The following GRIA4 variants were observed in gnomAD, a reference collection of about 807,000 sequenced individuals.
GRIA4 encodes the protein glutamate ionotropic receptor AMPA type subunit 4.
Under a neutral mutation model 104.0 loss-of-function variants are expected in GRIA4, and 34 were observed. The observed-to-expected ratio is 0.33, with a 90% CI of 0.25 to 0.44. GRIA4 has a LOEUF of 0.44. Among genes scored for constraint, GRIA4 ranks in the 20% least tolerant of loss-of-function variants. The probability of loss-of-function intolerance (pLI) is 1.00; values close to 1 mark genes in which losing one functional copy is unlikely to be tolerated. For missense variants in GRIA4, 750 were observed against 1,096.5 expected (o/e 0.68, Z 4.46); for synonymous variants, 386 against 381.9 (o/e 1.01, Z -0.13).
intron 11 of GRIA4, among the ~76,000 whole-genome samples, chr11:105,922,305 G>A (rs1408897069): frequency 1.3e-5 from 2 of 152,088 alleles, no homozygotes; most frequent in Non-Finnish European, 2.9e-5. Context: ...ACTTTTCTGA[G>A]GTTTAAAGCT....
intron 4 of GRIA4, among the ~76,000 whole-genome samples, chr11:105,845,034 A>ACATT (rs1944533563): frequency 6.6e-6 from 1 of 152,198 alleles, no homozygotes; most frequent in South Asian, 2.1e-4. Flanking sequence ...ATTTACTTCC[A>ACATT]CATTTAGTGA....
intron 4 of GRIA4, among the ~76,000 whole-genome samples, chr11:105,860,577 C>T (rs963199448): frequency 2.0e-5 from 3 of 152,164 alleles, no homozygotes; most frequent in Non-Finnish European, 4.4e-5. Flanking sequence ...AACTGACTAA[C>T]AGGCTCTGAT....
At chr11:105,739,096 T>G (rs1939149360) in intron 3 of GRIA4, among the ~76,000 whole-genome samples, 1 of 152,110 alleles carries the variant, frequency 6.6e-6, no homozygotes, top group South Asian at 2.1e-4. Flanking sequence ...AAAAGAGTGA[T>G]GTGATCTTTG....
chr11:105,840,594 T>C (rs1944355785), intron 4 of GRIA4, among the ~76,000 whole-genome samples: 1 of 152,220 alleles, frequency 6.6e-6, no homozygotes, highest in African/African-American at 2.4e-5. Context: ...CACAGTGCCA[T>C]GCTGTCATAG....
chr11:105,787,737 GA>G (rs1486338557), intron 4 of GRIA4, among the ~76,000 whole-genome samples: 1 of 152,006 alleles, frequency 6.6e-6, no homozygotes, highest in East Asian at 1.9e-4. Context: ...TCAGAAACAA[GA>G]GAGCTGATGA....
intron 9 of GRIA4, among the ~76,000 whole-genome samples, chr11:105,909,010 A>G (rs1392885764): frequency 6.6e-6 from 1 of 152,180 alleles, no homozygotes; most frequent in African/African-American, 2.4e-5. Flanking sequence ...TAAATTAAAA[A>G]TTTCACATAA....
At chr11:105,807,655 A>C (rs1943004920) in intron 4 of GRIA4, among the ~76,000 whole-genome samples, 1 of 151,904 alleles carries the variant, frequency 6.6e-6, no homozygotes, top group Admixed American at 6.6e-5. Flanking sequence ...GTTTTTATGA[A>C]GATCAAAGAG....
At chr11:105,790,516 T>C (rs1020410899) in intron 4 of GRIA4, among the ~76,000 whole-genome samples, 1 of 152,106 alleles carries the variant, frequency 6.6e-6, no homozygotes, top group Non-Finnish European at 1.5e-5. Flanking sequence ...CCCTTGCCGG[T>C]TTTTAAACTA....
At chr11:105,715,329 T>G (rs1385284858) in intron 3 of GRIA4, among the ~76,000 whole-genome samples, 1 of 152,176 alleles carries the variant, frequency 6.6e-6, no homozygotes, top group Non-Finnish European at 1.5e-5. Flanking sequence ...GTTTGAAACA[T>G]CTTTTAGAAT....
intron 14 of GRIA4, among the ~76,000 whole-genome samples, chr11:105,971,414 G>A (rs753648677): frequency 6.6e-5 from 10 of 152,096 alleles, no homozygotes; most frequent in South Asian, 2.1e-4. Flanking sequence ...GGATGAAAGC[G>A]GTCAAGAAGT....
chr11:105,693,993 G>C (rs1425201917), intron 3 of GRIA4, among the ~76,000 whole-genome samples: 5 of 152,178 alleles, frequency 3.3e-5, no homozygotes, highest in Non-Finnish European at 7.4e-5. Flanking sequence ...TTAATAAATG[G>C]TAATTATTTT....
At chr11:105,636,898 C>T (rs372690616) in intron 3 of GRIA4, among the ~76,000 whole-genome samples, 1 of 152,144 alleles carries the variant, frequency 6.6e-6, no homozygotes, top group African/African-American at 2.4e-5. Context: ...ATCCCATTCC[C>T]CTCAGTCTGA....
At chr11:105,919,795 G>C (rs942930877) in intron 11 of GRIA4, among the ~76,000 whole-genome samples, 16 of 152,116 alleles carry the variant, frequency 1.1e-4, no homozygotes, top group Non-Finnish European at 2.4e-4. Context: ...AACCAATGAA[G>C]TAACACATAC....
In GRIA4 at chr11:105,900,623, G is replaced by A. The variant is rs967962311; in HGVS notation, c.885+2196G>A. Reference sequence around the variant, plus strand: ...TTTTTTTGAGACAGAGTCTCTCTCCGTCACCCAGGCTGGAGTGCAGTGTCG... The same window carrying A: ...TTTTTTTGAGACAGAGTCTCTCTCCATCACCCAGGCTGGAGTGCAGTGTCG... On this transcript the variant is annotated intron_variant, in intron 7 of 16. Transcript: ENST00000282499. Among the ~76,000 whole-genome samples, 50 of 151,612 alleles carry A rather than the reference G, an allele frequency of 3.3e-4. 1 individual carries two copies. Among genetic ancestry groups the A allele is most frequent in the African/African-American group, 1.2e-3 (49 of 41,290 alleles).
chr11:105,904,307 G>A (rs1041646946), intron 8 of GRIA4, among the ~76,000 whole-genome samples: 1 of 152,166 alleles, frequency 6.6e-6, no homozygotes. Context: ...GTAATCACTC[G>A]AGGACGTAGG....
intron 4 of GRIA4, among the ~76,000 whole-genome samples, chr11:105,829,151 C>G (rs1195437800): frequency 6.6e-6 from 1 of 150,586 alleles, no homozygotes; most frequent in Non-Finnish European, 1.5e-5. Flanking sequence ...CTATTATAAC[C>G]CTTTTACAGA....
chr11:105,639,914 G>A (rs896836796), intron 3 of GRIA4, among the ~76,000 whole-genome samples: 12 of 151,712 alleles, frequency 7.9e-5, no homozygotes, highest in African/African-American at 2.7e-4. Flanking sequence ...CTTAATTTCC[G>A]CTGAAATATG....
At chr11:105,762,497 G>T (rs1940710201) in intron 4 of GRIA4, among the ~76,000 whole-genome samples, 1 of 152,120 alleles carries the variant, frequency 6.6e-6, no homozygotes, top group Admixed American at 6.6e-5. Flanking sequence ...GTGCTTATCT[G>T]TTTTGGAAAT....
At chr11:105,924,792 T>C (rs943477364) in intron 12 of GRIA4, 23 bp downstream of exon 12, 18 of 1,522,108 alleles carry the variant, frequency 1.2e-5, no homozygotes, top group Non-Finnish European at 1.6e-5. Flanking sequence ...TCTCTTAAGT[T>C]CTTCACTGAT....
Sources: allele counts gnomAD v4.1 joint callset (sites outside exome capture counted in the v4.1 genomes callset), GRCh38; gene constraint gnomAD v4.1.1; transcripts MANE v1.5; gene names NCBI Gene and HGNC (gene_info 2026-07-23, HGNC 2026-07-21).